Variants in CHFR observed in about 807,000 individuals in gnomAD.
CHFR encodes the protein E3 ubiquitin-protein ligase CHFR.
In CHFR, 57 loss-of-function variants were observed where a neutral mutation model predicts 87.6. The observed-to-expected ratio is 0.65, with a 90% CI of 0.53 to 0.81. The LOEUF is 0.81. Ranked by LOEUF, CHFR falls within the 30% of genes least tolerant of loss-of-function variation. CHFR has a pLI of 0.00. For missense variants in CHFR, 797 were observed against 865.8 expected (o/e 0.92, Z 1.00); for synonymous variants, 381 against 359.2 (o/e 1.06, Z -0.69).
intron 3 of CHFR, among the ~76,000 whole-genome samples, chr12:132,876,207 G>A (rs540538401): frequency 1.7e-4 from 26 of 152,000 alleles, no homozygotes; most frequent in South Asian, 4.1e-4. Flanking sequence ...AAAAGCTGAC[G>A]CTACAACAGT....
chr12:132,887,455 C>G (rs1356978642), intron 1 of CHFR, 92 bp downstream of exon 1: 4 of 784,550 alleles, frequency 5.1e-6, no homozygotes, highest in Non-Finnish European at 6.2e-6. Context: ...AGCCCCGCAG[C>G]CCGGCCTGGA....
intron 12 of CHFR, chr12:132,848,937 C>G: frequency 1.9e-6 from 1 of 525,638 alleles, no homozygotes; most frequent in Non-Finnish European, 3.4e-6. Context: ...AAAGGCGAGG[C>G]TCACATTTTC....
intron 3 of CHFR, among the ~76,000 whole-genome samples, chr12:132,876,525 T>C (rs1951634335): frequency 6.6e-6 from 1 of 152,258 alleles, no homozygotes; most frequent in Non-Finnish European, 1.5e-5. Flanking sequence ...ACTCAATCTG[T>C]ACTTCAGTTG....
chr12:132,860,486 C>T (rs1341160156), intron 7 of CHFR, among the ~76,000 whole-genome samples: 1 of 152,190 alleles, frequency 6.6e-6, no homozygotes, highest in Non-Finnish European at 1.5e-5. Flanking sequence ...TCCACACCTT[C>T]CCCACACCGA....
At chr12:132,851,477 T>A in intron 12 of CHFR, 141 bp downstream of exon 12, 1 of 951,040 alleles carries the variant, frequency 1.1e-6, no homozygotes, top group Non-Finnish European at 1.5e-6. Context: ...TATGGTGACG[T>A]GGGGAAAACT....
intron 3 of CHFR, among the ~76,000 whole-genome samples, chr12:132,874,213 C>T (rs1326808894): frequency 1.3e-5 from 2 of 152,280 alleles, no homozygotes; most frequent in African/African-American, 4.8e-5. Context: ...ATCCATTAAG[C>T]TTGTGGTAAA....
Position 132,851,618 on chromosome 12 carries a change from A to C in CHFR, c.1492T>G (p.Cys498Gly). 1 of 1,607,878 alleles carries C rather than the reference A, an allele frequency of 6.2e-7. No individual in the cohort carries two copies. The highest frequency in any genetic ancestry group is 8.5e-7 in the Non-Finnish European group (1 of 1,177,238). The change falls in exon 12 of 18, where the codon TGT becomes GGT. Residue 498 changes from cysteine to glycine, a missense_variant and splice_region_variant. This residue lies in a region of CHFR where 200 missense variants were observed against 264.6 expected (regional missense o/e 0.76). Transcript: ENST00000450056. ...TGCGTGCGGTGGCGCGGGCACTCAC[A>C]CTGCTGAGGGGCGACACGCGGGTCC... ...EQDPRVAPQQ[C>G]AVCLQPFCHL... is the part of the protein sequence containing the mutation.
Position 132,835,876 on chromosome 12 carries a change from C to CA in CHFR, c.*5677_*5678insT, listed in dbSNP as rs1373653900. 2.6e-4 allele frequency: 77 copies of CA among 298,772 alleles called. 1 individual carries two copies. Among genetic ancestry groups the CA allele is most frequent in the Admixed American group, 7.9e-4 (14 of 17,834 alleles). 18.5% of individuals were successfully genotyped at this position (298,772 alleles called of 1,614,324 possible). On this transcript the variant is annotated 3_prime_UTR_variant, in exon 18 of 18. Coordinates refer to ENST00000450056, the MANE Select transcript of CHFR (RefSeq NM_001161346.2). Reference sequence around the variant, plus strand: ...CCCTCACAGTGATAGGCTCCCAGCACGGCGCACGGCACTCACAGTGCCAGG... The same window carrying CA: ...CCCTCACAGTGATAGGCTCCCAGCACAGGCGCACGGCACTCACAGTGCCAGG...
intron 11 of CHFR, 113 bp downstream of exon 11, chr12:132,853,318 G>C (rs1446446681): frequency 8.5e-7 from 1 of 1,170,060 alleles, no homozygotes; most frequent in Non-Finnish European, 1.1e-6. Context: ...GCCCAAAGGG[G>C]GCGAGCAGTG....
At chr12:132,852,437 A>T (rs965469870) in intron 11 of CHFR, among the ~76,000 whole-genome samples, 1 of 103,658 alleles carries the variant, frequency 9.6e-6, no homozygotes, top group Non-Finnish European at 2.0e-5. Context: ...CACGGTGCAC[A>T]AGACCAATCG....
chr12:132,871,206 C>T (rs1287169260), intron 4 of CHFR, among the ~76,000 whole-genome samples: 1 of 152,192 alleles, frequency 6.6e-6, no homozygotes, highest in African/African-American at 2.4e-5. Context: ...AATCCCAGCA[C>T]TCTGGGAGGC....
intron 2 of CHFR, among the ~76,000 whole-genome samples, chr12:132,879,009 GT>G (rs71079148): frequency 0.62 from 74,905 of 121,042 alleles, 22,466 homozygotes; most frequent in Non-Finnish European, 0.72. Context: ...GTTTTTGTTT[GT>G]TTTTTTTTTT....
chr12:132,851,699 C>A lies in CHFR; in HGVS notation c.1411G>T (p.Ala471Ser). The change falls in exon 12 of 18, where the codon GCC becomes TCC. Residue 471 changes from alanine to serine, a missense_variant. Coordinates refer to ENST00000450056, the MANE Select transcript of CHFR (RefSeq NM_001161346.2). ...DYVCPLQGSH[A>S]LCTCCFQPMP... ...GGCTGGAAGCAGCAGGTGCACAGGG[C>A]GTGGCTTCCTTGCAGAGGGCACACG... 6.2e-7 allele frequency: 1 copy of A among 1,613,424 alleles called. No homozygotes were observed. Among genetic ancestry groups the A allele is most frequent in the South Asian group, 1.1e-5 (1 of 91,072 alleles).
Position 132,861,720 on chromosome 12 carries a change from A to C in CHFR, c.584-86T>G, listed in dbSNP as rs1951214205. The C allele has an allele frequency of 2.3e-6, 3 of 1,299,268 alleles. No individual in the cohort carries two copies. The African/African-American group carries it at 4.4e-5, about 19-fold the overall frequency. The allele number at this position is 1,299,268 out of a possible 1,614,324, so 80.5% of individuals were successfully genotyped here. A position where few individuals can be genotyped will look rare whatever the true frequency, so the allele number is the denominator to read the frequency against. ...TGTAAGGTGTCACTGACTGGAGCCC[A>C]GTGCAGCTGGCAGCCTGAGATGTCG... On this transcript the variant is annotated intron_variant, in intron 6 of 17. Coordinates refer to ENST00000450056, the MANE Select transcript of CHFR (RefSeq NM_001161346.2).
intron 11 of CHFR, among the ~76,000 whole-genome samples, chr12:132,851,979 T>C (rs940352829): frequency 2.0e-5 from 3 of 151,172 alleles, no homozygotes; most frequent in African/African-American, 7.3e-5. Context: ...CAAAGATCTG[T>C]TGCAAGTTCT....
Position 132,870,757 on chromosome 12 carries a change from T to A in CHFR, c.370A>T (p.Ser124Cys). The A allele has an allele frequency of 1.2e-6, 2 of 1,611,706 alleles. No homozygotes were observed. Among genetic ancestry groups the A allele is most frequent in the South Asian group, 2.2e-5 (2 of 90,992 alleles). The stretch of plus-strand genomic sequence containing the variant: ...TCTTGTGTCATGCCTTGCTTTTCAC[T>A]TAAAGATTCATAGAGGTATGCCACG... ...HNVAYLYESL[S>C]EKQGMTQESF... The change falls in exon 5 of 18, where the codon AGT becomes TGT. Residue 124 changes from serine to cysteine, a missense_variant. Physicochemically the swap from Ser to Cys is moderately radical, Grantham distance 112 (BLOSUM62 -1). Coordinates refer to ENST00000450056, the MANE Select transcript of CHFR (RefSeq NM_001161346.2).
intron 15 of CHFR, 33 bp from the exon 16 acceptor site, chr12:132,844,167 C>T (rs368950869): frequency 2.2e-6 from 3 of 1,370,882 alleles, no homozygotes; most frequent in Non-Finnish European, 2.0e-6. Context: ...CCCAGCAACA[C>T]CATCTTCCCA....
intron 11 of CHFR, among the ~76,000 whole-genome samples, chr12:132,851,938 G>C (rs532242531): frequency 6.6e-6 from 1 of 152,020 alleles, no homozygotes; most frequent in Non-Finnish European, 1.5e-5. Context: ...AACCAAAAAT[G>C]ATCTTTGATT....
chr12:132,877,610 G>A lies in CHFR; in HGVS notation c.178C>T (p.His60Tyr). 1 of 1,613,686 alleles carries A rather than the reference G, an allele frequency of 6.2e-7. No homozygotes were observed. Among genetic ancestry groups the A allele is most frequent in the Middle Eastern group, 1.7e-4 (1 of 6,060 alleles). The change falls in exon 3 of 18, where the codon CAC becomes TAC. Residue 60 changes from histidine (H) to tyrosine (Y), a missense_variant. This residue lies in a region of CHFR where 597 missense variants were observed against 601.2 expected (regional missense o/e 0.99). Coordinates refer to ENST00000450056, the MANE Select transcript of CHFR (RefSeq NM_001161346.2). ...FPSNKLVSGD[H>Y]CRIVVDEKSG... is the part of the protein sequence containing the mutation. ...TTTTCATCCACTACAATTCTACAGTGATCTCCAGAGACCAGTTTATTGCTG... is the reference window on the plus strand; with the variant it reads ...TTTTCATCCACTACAATTCTACAGTAATCTCCAGAGACCAGTTTATTGCTG...
Sources: allele counts gnomAD v4.1 joint callset (sites outside exome capture counted in the v4.1 genomes callset), GRCh38; gene constraint gnomAD v4.1.1; regional missense constraint gnomAD v4.1.1; transcripts MANE v1.5; gene names NCBI Gene and HGNC (gene_info 2026-07-23, HGNC 2026-07-21).